ADCY2: variants seen among roughly 807,000 people sequenced by gnomAD.
The protein encoded by ADCY2 is adenylate cyclase 2.
Under a neutral mutation model 125.2 loss-of-function variants are expected in ADCY2, and 31 were observed. The ratio of observed to expected loss-of-function variants is 0.25; its 90% CI spans 0.19 to 0.33. ADCY2 has a LOEUF of 0.33. Ranked by LOEUF, ADCY2 falls within the 10% of genes least tolerant of loss-of-function variation. The pLI, the probability that ADCY2 is intolerant of heterozygous loss-of-function variation, is 1.00. For synonymous variants in ADCY2, 512 were observed against 548.4 expected, an observed-to-expected ratio of 0.93 and a Z score of 0.93; for missense variants, 904 against 1,418.2, an observed-to-expected ratio of 0.64 and a Z score of 5.82.
chr5:7,663,100 A>G (rs1739588188), intron 4 of ADCY2, among the ~76,000 whole-genome samples: 1 of 152,242 alleles, frequency 6.6e-6, no homozygotes, highest in African/African-American at 2.4e-5. Context: ...CAACGAATAT[A>G]TTGATCTGTT....
chr5:7,483,292 T>C (rs1742805217), intron 2 of ADCY2, among the ~76,000 whole-genome samples: 1 of 152,120 alleles, frequency 6.6e-6, no homozygotes. Context: ...GTATGTACAA[T>C]TATTATGTAT....
At chr5:7,630,810 G>A (rs894942475) in intron 4 of ADCY2, among the ~76,000 whole-genome samples, 1 of 131,070 alleles carries the variant, frequency 7.6e-6, no homozygotes, top group Non-Finnish European at 1.6e-5. Flanking sequence ...TTTTTGAGAT[G>A]CAGTCTGGCT....
intron 2 of ADCY2, among the ~76,000 whole-genome samples, chr5:7,472,635 C>A (rs188316816): frequency 6.6e-6 from 1 of 152,020 alleles, no homozygotes; most frequent in Non-Finnish European, 1.5e-5. Context: ...CAGCAGAGAC[C>A]GAGACAGATC....
At chr5:7,733,316 C>T (rs371371823) in intron 14 of ADCY2, among the ~76,000 whole-genome samples, 3 of 152,106 alleles carry the variant, frequency 2.0e-5, no homozygotes, top group Non-Finnish European at 4.4e-5. Context: ...GGTGGTAAAA[C>T]GTGTTCAAAT....
At chr5:7,779,574 A>ACC (rs11351180) in intron 18 of ADCY2, among the ~76,000 whole-genome samples, 1 of 150,264 alleles carries the variant, frequency 6.7e-6, no homozygotes, top group African/African-American at 2.5e-5. Context: ...TCCCAGTCCA[A>ACC]CCCCCCCCCC....
At chr5:7,714,997 A>G (rs565964022) in intron 11 of ADCY2, among the ~76,000 whole-genome samples, 48 of 152,312 alleles carry the variant, frequency 3.2e-4, no homozygotes, top group African/African-American at 1.1e-3. Flanking sequence ...GGGAAGGCCA[A>G]TGGTGGAGCC....
At chr5:7,418,742 G>A (rs948427014) in intron 2 of ADCY2, among the ~76,000 whole-genome samples, 5 of 124,240 alleles carry the variant, frequency 4.0e-5, no homozygotes, top group African/African-American at 6.1e-5. Context: ...TACAACCTCC[G>A]CCTCCTGGGT....
intron 15 of ADCY2, among the ~76,000 whole-genome samples, chr5:7,748,878 C>T (rs896096892): frequency 7.9e-5 from 12 of 152,084 alleles, no homozygotes; most frequent in African/African-American, 2.9e-4. Flanking sequence ...TTAATAGAAC[C>T]GGGGCTCACA....
chr5:7,751,366 C>A (rs1742809905), intron 15 of ADCY2, among the ~76,000 whole-genome samples: 1 of 152,008 alleles, frequency 6.6e-6, no homozygotes, highest in Non-Finnish European at 1.5e-5. Flanking sequence ...TGGTCCATTG[C>A]CTTAGGTACT....
chr5:7,635,126 C>T (rs73050164), intron 4 of ADCY2, among the ~76,000 whole-genome samples: 4,035 of 152,214 alleles, frequency 0.027, 170 homozygotes, highest in African/African-American at 0.088. Context: ...CCAGACTACA[C>T]GCTGGGCCTT....
intron 13 of ADCY2, among the ~76,000 whole-genome samples, chr5:7,726,575 G>T (rs1404569061): frequency 6.6e-6 from 1 of 152,132 alleles, no homozygotes; most frequent in Non-Finnish European, 1.5e-5. Context: ...GACCCCTGAT[G>T]AATGCACTGG....
chr5:7,793,191 G>C (rs1434928307), intron 20 of ADCY2, among the ~76,000 whole-genome samples: 2 of 152,182 alleles, frequency 1.3e-5, no homozygotes, highest in African/African-American at 4.8e-5. Flanking sequence ...GCTCAGGCCT[G>C]TAATCTCAGC....
At chr5:7,672,402 C>G (rs1206337223) in intron 4 of ADCY2, among the ~76,000 whole-genome samples, 1 of 152,142 alleles carries the variant, frequency 6.6e-6, no homozygotes, top group Non-Finnish European at 1.5e-5. Flanking sequence ...TTTCTCTATA[C>G]TGGGAGTCAT....
intron 4 of ADCY2, among the ~76,000 whole-genome samples, chr5:7,679,078 T>C (rs1260213994): frequency 6.6e-6 from 1 of 152,222 alleles, no homozygotes; most frequent in Non-Finnish European, 1.5e-5. Flanking sequence ...ACAGGTGACT[T>C]TGGCAGAGTT....
At chr5:7,431,639 CA>C (rs532993846) in intron 2 of ADCY2, among the ~76,000 whole-genome samples, 371 of 150,674 alleles carry the variant, frequency 2.5e-3, no homozygotes, top group African/African-American at 8.9e-3. Context: ...AATGAAAATG[CA>C]AACCACAGGC....
intron 4 of ADCY2, among the ~76,000 whole-genome samples, chr5:7,628,790 TAATTA>T (rs1738214357): frequency 6.6e-6 from 1 of 150,480 alleles, no homozygotes; most frequent in Non-Finnish European, 1.5e-5. Flanking sequence ...GACCAGCATG[TAATTA>T]AATGGGAAGA....
intron 15 of ADCY2, chr5:7,746,239 T>C (rs1742620047): frequency 6.6e-6 from 1 of 152,484 alleles, no homozygotes; most frequent in African/African-American, 2.4e-5. Context: ...GGTGTCAAAG[T>C]GCCCAGGAAG....
Position 7,712,908 on chromosome 5 carries a change from T to A in ADCY2, c.1622+9T>A. 3 of 1,558,886 alleles carry A rather than the reference T, an allele frequency of 1.9e-6. No homozygotes were observed. Among genetic ancestry groups the A allele is most frequent in the Non-Finnish European group, 2.7e-6 (3 of 1,131,676 alleles). ...CAAAATCGCACCTTAAGGTATGGTATCTCTCTATCTGATTTTTTAAAGCTT... is the reference window on the plus strand; with the variant it reads ...CAAAATCGCACCTTAAGGTATGGTAACTCTCTATCTGATTTTTTAAAGCTT... On this transcript the variant is annotated intron_variant, in intron 11 of 24. Coordinates refer to ENST00000338316, the MANE Select transcript of ADCY2 (RefSeq NM_020546.3).
intron 4 of ADCY2, among the ~76,000 whole-genome samples, chr5:7,655,037 G>A (rs1739273665): frequency 6.6e-6 from 1 of 152,150 alleles, no homozygotes; most frequent in Non-Finnish European, 1.5e-5. Context: ...GACACTGAGA[G>A]ATCTAGAAAT....
Sources: allele counts gnomAD v4.1 joint callset (sites outside exome capture counted in the v4.1 genomes callset), GRCh38; gene constraint gnomAD v4.1.1; transcripts MANE v1.5; gene names NCBI Gene and HGNC (gene_info 2026-07-23, HGNC 2026-07-21).